HAS3: variants seen among roughly 807,000 people sequenced by gnomAD.
The protein encoded by HAS3 is HA synthase 3.
HAS3 carries 27 observed loss-of-function variants against 50.3 expected under a neutral mutation model. The ratio of observed to expected loss-of-function variants is 0.54; its 90% confidence interval spans 0.40 to 0.74. The LOEUF (loss-of-function observed/expected upper bound fraction) is 0.74. HAS3 is among the 30% of genes least tolerant of loss of function. The pLI, the probability that HAS3 is intolerant of heterozygous loss-of-function variation, is 0.00. For synonymous variants in HAS3, 339 were observed against 310.9 expected (o/e 1.09, Z -0.95); for missense variants, 517 against 742.8 (o/e 0.70, Z 3.53).
chr16:69,104,992 GTTTTTTTTTTTTTT>G (rs565397720), upstream of HAS3, among the ~76,000 whole-genome samples: 1,019 of 81,972 alleles, frequency 0.012, 23 homozygotes, highest in East Asian at 0.041. Flanking sequence ...CTGTTTTTTG[GTTTTTTTTTTTTTT>G]TTTTTTTTTT....
chr16:69,091,206 C>T, the HAS3 span, among the ~76,000 whole-genome samples: 1 of 152,106 alleles, frequency 6.6e-6, no homozygotes, highest in Non-Finnish European at 1.5e-5. Context: ...CCAAATAGTG[C>T]CCCGCATCAT....
chr16:69,097,409 C>T, the HAS3 span, among the ~76,000 whole-genome samples: 8 of 149,320 alleles, frequency 5.4e-5, no homozygotes, highest in East Asian at 1.6e-3. Context: ...ATCAGGCCAT[C>T]GCACTCCAGC....
chr16:69,113,875 C>G (rs1961092356), intron 3 of HAS3, among the ~76,000 whole-genome samples: 1 of 152,188 alleles, frequency 6.6e-6, no homozygotes, highest in African/African-American at 2.4e-5. Flanking sequence ...TTGAGCAGCC[C>G]TTGCTCTTAG....
intron 2 of HAS3, among the ~76,000 whole-genome samples, chr16:69,112,663 C>G (rs1961048027): frequency 6.6e-6 from 1 of 152,188 alleles, no homozygotes; most frequent in Non-Finnish European, 1.5e-5. Flanking sequence ...TTGTGTACCA[C>G]TTCACTAATT....
At chr16:69,085,849 G>A in the HAS3 span, among the ~76,000 whole-genome samples, 1 of 151,982 alleles carries the variant, frequency 6.6e-6, no homozygotes, top group Admixed American at 6.6e-5. Flanking sequence ...AAAGTGCTGG[G>A]ATTACAGGCA....
chr16:69,090,049 C>A, the HAS3 span, among the ~76,000 whole-genome samples: 2 of 152,158 alleles, frequency 1.3e-5, no homozygotes, highest in African/African-American at 4.8e-5. Flanking sequence ...TTTACTACAT[C>A]GGAAGACCCT....
At chr16:69,086,692 G>A in the HAS3 span, among the ~76,000 whole-genome samples, 2 of 152,114 alleles carry the variant, frequency 1.3e-5, no homozygotes, top group African/African-American at 4.8e-5. Flanking sequence ...ATCACCTGAG[G>A]TCGGGAGTTC....
chr16:69,114,862 G>C lies in HAS3; in HGVS notation c.1258G>C (p.Gly420Arg), dbSNP rs760270089. Residue 420 changes from glycine (G) to arginine (R), a missense_variant, in exon 4 of 4, where the codon GGC (glycine) becomes CGC (arginine). Coordinates refer to ENST00000569188, the MANE Select transcript of HAS3 (RefSeq NM_001199280.2). The surrounding 1 kb of genome is among the most constrained non-coding windows in gnomAD (Gnocchi z 6.4). ...CTTCCTGCTGACGGTGCAGCTGGTGGGCATTATCAAGGCCACCTACGCCTG... is the reference window on the plus strand; with the variant it reads ...CTTCCTGCTGACGGTGCAGCTGGTGCGCATTATCAAGGCCACCTACGCCTG... ...LLFLLTVQLV[G>R]IIKATYACFL... 1.2e-6 allele frequency: 2 copies of C among 1,613,970 alleles called. No homozygotes were observed. The highest frequency in any genetic ancestry group is 2.7e-5 in the African/African-American group (2 of 74,904).
At position 69,113,449 on chromosome 16, in the gene HAS3, C is replaced by T. The variant is rs1423308883; in HGVS notation, c.645C>T (p.Asp215=). 1.2e-6 allele frequency: 2 copies of T among 1,612,962 alleles called. No individual in the cohort carries two copies. The highest frequency in any genetic ancestry group is 1.1e-5 in the South Asian group (1 of 91,070). Residue 215 remains aspartate, a synonymous_variant, in exon 3 of 4, where the codon GAC becomes GAT. Transcript: ENST00000569188. ...ACGCACTCCCTCTGCAGGTGTGCGA[C>T]TCTGACACTGTGCTGGATCCAGCCT... ...GDSVDYIQVC[D]SDTVLDPACT... is the part of the protein sequence containing the mutation.
downstream of HAS3, among the ~76,000 whole-genome samples, chr16:69,117,834 T>C (rs1392374920): frequency 6.6e-6 from 1 of 152,102 alleles, no homozygotes; most frequent in Non-Finnish European, 1.5e-5. Context: ...TTTGGTGAAA[T>C]AACTAACTGG....
At chr16:69,118,112 T>G, downstream of HAS3, 1 of 533,218 alleles carries the variant, frequency 1.9e-6, no homozygotes, top group Non-Finnish European at 3.4e-6. Context: ...CAGTGATTTC[T>G]TCCCTTCATC....
the HAS3 span, among the ~76,000 whole-genome samples, chr16:69,093,240 G>A: frequency 6.6e-6 from 1 of 152,048 alleles, no homozygotes; most frequent in African/African-American, 2.4e-5. Flanking sequence ...TTTGAGACAG[G>A]GTCTCTGTCA....
At position 69,115,152 on chromosome 16, in the gene HAS3, G is replaced by A. The variant is rs1961139201; in HGVS notation, c.1548G>A (p.Gly516=). ...CAGAGCTAGCCTTCCTTGTCTCTGG[G>A]GCTATACTGTATGGCTGCTACTGGG... ...SETELAFLVS[G]AILYGCYWVA... The change falls in exon 4 of 4, where the codon GGG becomes GGA. Residue 516 remains glycine, a synonymous_variant. Transcript: ENST00000569188. The A allele has an allele frequency of 6.2e-7, 1 of 1,607,910 alleles. No homozygotes were observed. Among genetic ancestry groups the A allele is most frequent in the Non-Finnish European group, 8.5e-7 (1 of 1,176,574 alleles).
chr16:69,104,992 G>GT (rs565397720), upstream of HAS3, among the ~76,000 whole-genome samples: 7,327 of 81,680 alleles, frequency 0.09, 1,162 homozygotes, highest in Non-Finnish European at 0.1. Context: ...CTGTTTTTTG[G>GT]TTTTTTTTTT....
the HAS3 span, among the ~76,000 whole-genome samples, chr16:69,088,585 GA>G: frequency 6.7e-6 from 1 of 149,768 alleles, no homozygotes; most frequent in Non-Finnish European, 1.5e-5. Context: ...GAAAAGACAA[GA>G]AAAAAAAGTA....
chr16:69,088,656 A>G, the HAS3 span, among the ~76,000 whole-genome samples: 16 of 152,256 alleles, frequency 1.1e-4, no homozygotes, highest in Admixed American at 1.0e-3. Flanking sequence ...GGGAACAGTA[A>G]GTTGAGATTT....
Position 69,117,317 on chromosome 16 carries a change from T to C in HAS3, c.*2051T>C, listed in dbSNP as rs1961226978. On this transcript the variant is annotated 3_prime_UTR_variant, in exon 4 of 4. Coordinates refer to ENST00000569188, the MANE Select transcript of HAS3 (RefSeq NM_001199280.2). ...CTACCATCAGCTCTGCCTTGCACTG[T>C]GGTCGTCAACTTTCCTCAAATCAAA... 1.0e-6 allele frequency: 1 copy of C among 985,858 alleles called. No individual in the cohort carries two copies. Among genetic ancestry groups the C allele is most frequent in the African/African-American group, 1.7e-5 (1 of 57,356 alleles). The allele number at this position is 985,858 out of a possible 1,614,324, so 61.1% of individuals were successfully genotyped here.
At chr16:69,113,830 C>T (rs1438790931) in intron 3 of HAS3, among the ~76,000 whole-genome samples, 1 of 152,120 alleles carries the variant, frequency 6.6e-6, no homozygotes, top group Non-Finnish European at 1.5e-5. Flanking sequence ...TCCTTTTTGG[C>T]CGGTGGTACA....
chr16:69,089,680 C>T, the HAS3 span, among the ~76,000 whole-genome samples: 40 of 152,294 alleles, frequency 2.6e-4, no homozygotes, highest in South Asian at 1.0e-3. Flanking sequence ...TGCTCAGCGC[C>T]CTCTGCACAG....
Sources: gnomAD v4.1 joint callset for allele counts (sites outside exome capture counted in the v4.1 genomes callset) on GRCh38, gnomAD v4.1.1 for gene constraint, Gnocchi (gnomAD v3.1) non-coding constraint, MANE v1.5 for transcripts, NCBI Gene and HGNC (gene_info 2026-07-23, HGNC 2026-07-21) for gene names.